The following ARL15 variants were observed in gnomAD, a reference collection of about 807,000 sequenced individuals.
ARL15 encodes the protein ARF like GTPase 15, also known as ADP-ribosylation factor-like protein 15.
A neutral mutation model predicts 25.2 loss-of-function variants in ARL15; 19 were observed. The observed-to-expected ratio is 0.75, with a 90% CI of 0.53 to 1.10. ARL15 has a LOEUF of 1.10. Ranked by LOEUF, ARL15 falls within the 50% of genes least tolerant of loss-of-function variation. The pLI is 0.00. For missense variants in ARL15, 220 were observed against 246.0 expected (o/e 0.89, Z 0.71); for synonymous variants, 94 against 86.8 (o/e 1.08, Z -0.46).
intron 1 of ARL15, among the ~76,000 whole-genome samples, chr5:54,261,481 TA>T (rs1337383513): frequency 6.6e-6 from 1 of 152,020 alleles, no homozygotes; most frequent in Non-Finnish European, 1.5e-5. Flanking sequence ...TAACATATAG[TA>T]GATATTCAAT....
chr5:54,231,358 A>C (rs1258643012), intron 1 of ARL15, among the ~76,000 whole-genome samples: 1 of 152,062 alleles, frequency 6.6e-6, no homozygotes, highest in African/African-American at 2.4e-5. Flanking sequence ...CACTTCTGCC[A>C]CCCTCATCCA....
chr5:54,198,395 C>A (rs1579901583), intron 1 of ARL15, among the ~76,000 whole-genome samples: 1 of 152,050 alleles, frequency 6.6e-6, no homozygotes, highest in Non-Finnish European at 1.5e-5. Flanking sequence ...ATCTAGAAAA[C>A]CCCATTGTCT....
chr5:54,092,216 T>C (rs140811954), intron 4 of ARL15, among the ~76,000 whole-genome samples: 348 of 152,296 alleles, frequency 2.3e-3, no homozygotes, highest in African/African-American at 3.8e-3. Flanking sequence ...CACAATCTTT[T>C]TGGAATTCTT....
intron 4 of ARL15, among the ~76,000 whole-genome samples, chr5:54,007,080 C>G (rs951274780): frequency 2.6e-5 from 4 of 152,150 alleles, no homozygotes; most frequent in Admixed American, 2.6e-4. Context: ...AATTTTTACT[C>G]TTCTGAAAGT....
intron 1 of ARL15, among the ~76,000 whole-genome samples, chr5:54,197,876 C>T (rs570412215): frequency 7.9e-5 from 12 of 152,254 alleles, no homozygotes; most frequent in African/African-American, 2.2e-4. Flanking sequence ...CCTTGATGAA[C>T]ATTGATGCAA....
chr5:54,057,988 C>CTTTATTTATTTA (rs58782533), intron 4 of ARL15, among the ~76,000 whole-genome samples: 1 of 32,718 alleles, frequency 3.1e-5, no homozygotes, highest in African/African-American at 1.0e-4. Context: ...TTACTGGTGC[C>CTTTATTTATTTA]TTTATTTATT....
intron 4 of ARL15, among the ~76,000 whole-genome samples, chr5:53,979,519 A>G (rs1002802385): frequency 2.6e-5 from 4 of 152,146 alleles, no homozygotes; most frequent in African/African-American, 9.7e-5. Context: ...CAGCCTGGGC[A>G]ACAGAATAAG....
At chr5:54,251,927 T>C (rs1757244180) in intron 1 of ARL15, among the ~76,000 whole-genome samples, 1 of 152,342 alleles carries the variant, frequency 6.6e-6, no homozygotes. Context: ...TTGCTGCCCA[T>C]GGGATTCCCA....
chr5:53,983,746 A>G (rs1748200798), intron 4 of ARL15, among the ~76,000 whole-genome samples: 1 of 152,228 alleles, frequency 6.6e-6, no homozygotes, highest in South Asian at 2.1e-4. Context: ...GGGTGGATGA[A>G]TCACAGAAAA....
At chr5:53,950,095 C>A (rs1274924150) in intron 4 of ARL15, among the ~76,000 whole-genome samples, 1 of 152,040 alleles carries the variant, frequency 6.6e-6, no homozygotes, top group East Asian at 1.9e-4. Flanking sequence ...TGATTATGTG[C>A]AAGATCAATC....
At chr5:53,968,482 T>G (rs1405613334) in intron 4 of ARL15, among the ~76,000 whole-genome samples, 1 of 152,168 alleles carries the variant, frequency 6.6e-6, no homozygotes, top group African/African-American at 2.4e-5. Flanking sequence ...CATAATTTCA[T>G]AGCCAAATCA....
At chr5:54,057,312 GTTCT>G (rs1468004893) in intron 4 of ARL15, among the ~76,000 whole-genome samples, 6 of 152,162 alleles carry the variant, frequency 3.9e-5, no homozygotes, top group Admixed American at 3.9e-4. Context: ...GAAAATAAAT[GTTCT>G]TTCTGAAGCC....
intron 4 of ARL15, among the ~76,000 whole-genome samples, chr5:54,061,237 C>T (rs56031938): frequency 0.17 from 25,406 of 152,140 alleles, 2,613 homozygotes; most frequent in African/African-American, 0.29. Context: ...GATCTCAGGC[C>T]GTGGCTTCAG....
At chr5:54,010,191 C>T (rs1749185983) in intron 4 of ARL15, among the ~76,000 whole-genome samples, 2 of 152,190 alleles carry the variant, frequency 1.3e-5, no homozygotes, top group Admixed American at 6.5e-5. Context: ...AAAATCTGCT[C>T]CTTGAACAGG....
rs1448699755 is a variant in ARL15, at chr5:54,113,212, G to A, written c.452C>T (p.Ser151Leu). 6.2e-7 allele frequency: 1 copy of A among 1,613,466 alleles called. No homozygotes were observed. ...ANHQDKPAAR[S>L]VQEIKKYFEL... ...GCTAATGAGACATACCTCTTGTACT[G>A]AGCGAGCTGCTGGCTTGTCTTGATG... The change falls in exon 4 of 5, where the codon TCA (serine) becomes TTA (leucine). Residue 151 changes from serine (S) to leucine (L), a missense_variant. Coordinates refer to ENST00000504924, the MANE Select transcript of ARL15 (RefSeq NM_019087.3).
At chr5:54,272,049 T>G (rs1468868272) in intron 1 of ARL15, among the ~76,000 whole-genome samples, 3 of 149,078 alleles carry the variant, frequency 2.0e-5, no homozygotes, top group African/African-American at 7.3e-5. Flanking sequence ...GCTCAAGAGA[T>G]CCTTCTGTCT....
chr5:54,112,152 A>AT (rs1303387644), intron 4 of ARL15, among the ~76,000 whole-genome samples: 2 of 152,280 alleles, frequency 1.3e-5, no homozygotes, highest in East Asian at 3.9e-4. Flanking sequence ...TAAAATTTGA[A>AT]TAAAAACTCT....
chr5:54,218,949 T>C (rs997397152), intron 1 of ARL15, among the ~76,000 whole-genome samples: 1 of 151,232 alleles, frequency 6.6e-6, no homozygotes, highest in African/African-American at 2.4e-5. Flanking sequence ...TTTTGGTCTA[T>C]GGATTTTAAC....
At chr5:54,221,121 C>T (rs545897229) in intron 1 of ARL15, among the ~76,000 whole-genome samples, 3 of 152,134 alleles carry the variant, frequency 2.0e-5, no homozygotes, top group Non-Finnish European at 4.4e-5. Context: ...TGGGCATATA[C>T]GAGAATTTTG....
Sources: allele counts gnomAD v4.1 joint callset (sites outside exome capture counted in the v4.1 genomes callset), GRCh38; gene constraint gnomAD v4.1.1; transcripts MANE v1.5; gene names NCBI Gene and HGNC (gene_info 2026-07-23, HGNC 2026-07-21).